FABP12: variants seen among roughly 807,000 people sequenced by gnomAD.
The protein encoded by FABP12 is fatty acid binding protein 12, also known as fatty acid-binding protein 12.
FABP12 carries 19 observed loss-of-function variants against 13.7 expected under a neutral mutation model. The observed-to-expected ratio is 1.39, with a 90% confidence interval of 0.97 to 2.04. FABP12 has a LOEUF of 2.04. Ranked by LOEUF, FABP12 falls within the 30% of genes most tolerant of loss-of-function variation. The pLI is 0.00. For synonymous variants in FABP12, 61 were observed against 57.0 expected (o/e 1.07, Z -0.32); for missense variants, 182 against 164.2 (o/e 1.11, Z -0.59).
intron 1 of FABP12, among the ~76,000 whole-genome samples, chr8:81,565,395 C>T (rs964558056): frequency 6.6e-6 from 1 of 152,018 alleles, no homozygotes; most frequent in African/African-American, 2.4e-5. Context: ...CATTCTTCCC[C>T]AGCACATGGA....
chr8:81,579,318 A>C (rs781420464), intron 1 of FABP12, among the ~76,000 whole-genome samples: 1 of 152,200 alleles, frequency 6.6e-6, no homozygotes, highest in Non-Finnish European at 1.5e-5. Context: ...CAATGAATAA[A>C]ACAATTGCCT....
At chr8:81,545,861 G>A (rs977220340) in intron 1 of FABP12, among the ~76,000 whole-genome samples, 1 of 152,084 alleles carries the variant, frequency 6.6e-6, no homozygotes, top group African/African-American at 2.4e-5. Flanking sequence ...CAAGTTCATG[G>A]GCCGAATCAA....
In FABP12 at chr8:81,529,478, T is replaced by C. The variant is rs951616266; in HGVS notation, c.206A>G (p.Glu69Gly). 7 of 1,613,840 alleles carry C rather than the reference T, an allele frequency of 4.3e-6. No homozygotes were observed. In the South Asian group the frequency reaches 6.6e-5, roughly 15 times the overall value. Reference sequence around the variant, plus strand: ...ACCTGGCGTGATTTCCTCAAACTCTTCTCCCAGCTTAAAGGAGATCTCATT... The same window carrying C: ...ACCTGGCGTGATTTCCTCAAACTCTCCTCCCAGCTTAAAGGAGATCTCATT... The change falls in exon 3 of 5, where the codon GAA (glutamate) becomes GGA (glycine). Residue 69 changes from glutamate to glycine, a missense_variant. Physicochemically the swap from Glu to Gly is moderately conservative, Grantham distance 98. Transcript: ENST00000360464.
chr8:81,531,462 C>T (rs1809073380), intron 1 of FABP12, 72 bp from the exon 2 acceptor site: 4 of 584,214 alleles, frequency 6.8e-6, no homozygotes, highest in East Asian at 5.7e-5. Flanking sequence ...GAACTCTAAT[C>T]CTTGCAATGT....
chr8:81,560,453 T>G (rs559034619), intron 1 of FABP12, among the ~76,000 whole-genome samples: 153 of 152,212 alleles, frequency 1.0e-3, no homozygotes, highest in African/African-American at 3.6e-3. Flanking sequence ...TTTTTTTCTG[T>G]TTTTTGTGAA....
chr8:81,573,617 T>C (rs771163180), intron 1 of FABP12, among the ~76,000 whole-genome samples: 1 of 152,214 alleles, frequency 6.6e-6, no homozygotes, highest in East Asian at 1.9e-4. Flanking sequence ...GTGTCGGCTA[T>C]GATTTCTTTC....
chr8:81,575,303 T>A (rs1240688448), intron 1 of FABP12, among the ~76,000 whole-genome samples: 1 of 152,232 alleles, frequency 6.6e-6, no homozygotes, highest in Non-Finnish European at 1.5e-5. Flanking sequence ...TTTATTCCAC[T>A]GTGGTCTGAG....
chr8:81,532,100 C>A (rs542309110), intron 1 of FABP12, among the ~76,000 whole-genome samples: 19 of 152,272 alleles, frequency 1.2e-4, no homozygotes, highest in Non-Finnish European at 2.2e-4. Flanking sequence ...CCTTTCAACC[C>A]TGACTGTAAA....
intron 2 of FABP12, among the ~76,000 whole-genome samples, chr8:81,539,464 A>C (rs1302757987): frequency 1.1e-5 from 1 of 88,872 alleles, no homozygotes. Flanking sequence ...TTTTTTTCTA[A>C]TCTCTCCCTC....
At chr8:81,584,557 GAAC>G (rs982339440) in intron 1 of FABP12, among the ~76,000 whole-genome samples, 81 of 137,546 alleles carry the variant, frequency 5.9e-4, no homozygotes, top group African/African-American at 2.2e-3. Flanking sequence ...CCTAGATTAG[GAAC>G]ACAAGGTGTG....
exon 3 of FABP12, chr8:81,529,503 T>C: frequency 6.2e-7 from 1 of 1,614,032 alleles, no homozygotes; most frequent in South Asian, 1.1e-5. Context: ...GAGATCTCAT[T>C]ATTTTTAAAG....
chr8:81,562,157 C>T (rs379231), intron 1 of FABP12, among the ~76,000 whole-genome samples: 8,613 of 152,268 alleles, frequency 0.057, 293 homozygotes, highest in Middle Eastern at 0.12. Context: ...CAGATGCCAG[C>T]TCCCAGATAC....
At chr8:81,574,041 G>A (rs552982929) in intron 1 of FABP12, among the ~76,000 whole-genome samples, 2 of 152,244 alleles carry the variant, frequency 1.3e-5, no homozygotes, top group African/African-American at 4.8e-5. Context: ...AGTTCTCAGA[G>A]GAAATGTTTT....
chr8:81,534,109 A>ACT (rs1013386109), upstream of FABP12, among the ~76,000 whole-genome samples: 1 of 151,680 alleles, frequency 6.6e-6, no homozygotes, highest in South Asian at 2.1e-4. Flanking sequence ...ACATACACAC[A>ACT]CTCTCTCTCT....
intron 1 of FABP12, among the ~76,000 whole-genome samples, chr8:81,570,824 A>G (rs564257391): frequency 1.0e-3 from 153 of 152,230 alleles, no homozygotes; most frequent in African/African-American, 3.6e-3. Context: ...TTGGTTTATG[A>G]GTGGCCATGA....
At chr8:81,551,547 T>A (rs1430714405) in intron 1 of FABP12, among the ~76,000 whole-genome samples, 1 of 152,142 alleles carries the variant, frequency 6.6e-6, no homozygotes, top group Non-Finnish European at 1.5e-5. Context: ...GGGTACAATA[T>A]GAAAAACTAT....
intron 1 of FABP12, among the ~76,000 whole-genome samples, chr8:81,557,086 G>T (rs1425462205): frequency 6.6e-6 from 1 of 151,876 alleles, no homozygotes; most frequent in Non-Finnish European, 1.5e-5. Context: ...TGTTGGCCAG[G>T]CTGGTCTCGA....
rs569732163 is a variant in FABP12, at chr8:81,554,489, T to A, written c.-184-14746A>T. On this transcript the variant is annotated intron_variant, in intron 1 of 5. Coordinates refer to the FABP12 transcript ENST00000692030. ...CCCATTCCCTTCTCATTATGATACA[T>A]TGAAATAACTGAAATTCAACCTTCT... 4.6e-5 allele frequency among the ~76,000 whole-genome samples: 7 copies of A among 152,312 alleles called. No individual in the cohort carries two copies. In the East Asian group the frequency reaches 7.7e-4, roughly 17 times the overall value.
chr8:81,529,806 A>G (rs561856185), intron 2 of FABP12, among the ~76,000 whole-genome samples, 196 bp from the exon 3 acceptor site: 1 of 152,272 alleles, frequency 6.6e-6, no homozygotes, highest in South Asian at 2.1e-4. Flanking sequence ...CAGCAGCTCC[A>G]CCATGACATG....
Sources: allele counts gnomAD v4.1 joint callset (sites outside exome capture counted in the v4.1 genomes callset), GRCh38; gene constraint gnomAD v4.1.1; transcripts MANE v1.5; gene names NCBI Gene and HGNC (gene_info 2026-07-23, HGNC 2026-07-21).